The following HERC4 variants were observed in gnomAD, a reference collection of about 807,000 sequenced individuals.
HERC4 encodes HECT and RLD domain containing E3 ubiquitin protein ligase 4, also known as probable E3 ubiquitin-protein ligase HERC4.
A neutral mutation model predicts 124.3 loss-of-function variants in HERC4; 28 were observed. The observed-to-expected ratio is 0.23, with a 90% CI of 0.17 to 0.31. The LOEUF is 0.31. Ranked by LOEUF, HERC4 falls within the 10% of genes least tolerant of loss-of-function variation. The probability of loss-of-function intolerance (pLI) is 1.00; values close to 1 mark genes in which losing one functional copy is unlikely to be tolerated. For missense variants in HERC4, 713 were observed against 1,229.3 expected, an observed-to-expected ratio of 0.58 and a Z score of 6.28; for synonymous variants, 407 against 421.5, an observed-to-expected ratio of 0.97 and a Z score of 0.42.
chr10:68,011,817 C>T (rs1470618513), intron 9 of HERC4, among the ~76,000 whole-genome samples: 21 of 152,194 alleles, frequency 1.4e-4, no homozygotes, highest in Admixed American at 1.4e-3. Context: ...AGAGAGTCAG[C>T]CTGTCCTTTG....
intron 3 of HERC4, chr10:68,067,641 A>C (rs1382079611): frequency 6.6e-6 from 1 of 152,232 alleles, no homozygotes; most frequent in African/African-American, 2.4e-5. Flanking sequence ...CAGAGAGAAC[A>C]GGTCAGAAAA....
intron 9 of HERC4, chr10:68,010,892 T>A: frequency 7.1e-7 from 1 of 1,412,916 alleles, no homozygotes; most frequent in Non-Finnish European, 9.9e-7. Flanking sequence ...ATGAAGGGTA[T>A]TTTTTATCCT....
At chr10:68,046,132 CA>C (rs532386531) in intron 3 of HERC4, among the ~76,000 whole-genome samples, 1,780 of 131,350 alleles carry the variant, frequency 0.014, 12 homozygotes, top group Middle Eastern at 0.041. Flanking sequence ...CACACTGTTC[CA>C]AAAAAAAAAA....
intron 3 of HERC4, among the ~76,000 whole-genome samples, chr10:68,044,906 G>A (rs1411214445): frequency 1.3e-5 from 2 of 151,792 alleles, no homozygotes; most frequent in Non-Finnish European, 1.5e-5. Flanking sequence ...ACTAATAAAA[G>A]AGTCCAGGTG....
intron 23 of HERC4, among the ~76,000 whole-genome samples, chr10:67,927,690 G>C (rs2031288987): frequency 1.3e-5 from 2 of 151,944 alleles, no homozygotes; most frequent in Admixed American, 1.3e-4. Context: ...CTCCCAAAGT[G>C]CTGGGATTAC....
intron 9 of HERC4, among the ~76,000 whole-genome samples, chr10:67,996,418 C>T (rs1478661978): frequency 6.6e-6 from 1 of 152,048 alleles, no homozygotes; most frequent in East Asian, 1.9e-4. Context: ...AATTGTAATT[C>T]TACTTAGAAG....
chr10:67,936,710 C>T (rs1484373399), intron 21 of HERC4, among the ~76,000 whole-genome samples: 3 of 152,172 alleles, frequency 2.0e-5, no homozygotes, highest in Non-Finnish European at 4.4e-5. Flanking sequence ...TAAAGATAGG[C>T]AGTTATTTTG....
chr10:68,030,721 AATC>A (rs1341296384), intron 7 of HERC4, among the ~76,000 whole-genome samples: 3 of 152,204 alleles, frequency 2.0e-5, no homozygotes, highest in Non-Finnish European at 4.4e-5. Flanking sequence ...CACAATTTCA[AATC>A]TTTGGGGTAG....
At chr10:68,015,909 C>T (rs1175739244) in intron 8 of HERC4, among the ~76,000 whole-genome samples, 1 of 152,118 alleles carries the variant, frequency 6.6e-6, no homozygotes, top group African/African-American at 2.4e-5. Flanking sequence ...TCGAGACCAG[C>T]ATGGCAAACA....
At chr10:67,980,759 A>G (rs2035883278) in intron 15 of HERC4, among the ~76,000 whole-genome samples, 1 of 152,210 alleles carries the variant, frequency 6.6e-6, no homozygotes, top group Admixed American at 6.5e-5. Flanking sequence ...AGGAGTACAA[A>G]GTTAAGGTGT....
At chr10:67,948,144 TA>T (rs547679896) in intron 19 of HERC4, among the ~76,000 whole-genome samples, 2 of 135,982 alleles carry the variant, frequency 1.5e-5, no homozygotes, top group Non-Finnish European at 3.2e-5. Context: ...ACACTTAAAC[TA>T]AAAAAAAGGG....
intron 9 of HERC4, among the ~76,000 whole-genome samples, chr10:68,006,375 G>GTTTTTTTTTTTTTTTTTT (rs772576805): frequency 7.5e-6 from 1 of 134,036 alleles, no homozygotes; most frequent in Non-Finnish European, 1.7e-5. Flanking sequence ...TTTTGTTTTT[G>GTTTTTTTTTTTTTTTTTT]TTTTTTTTTT....
At chr10:67,991,602 A>G (rs557800485) in intron 11 of HERC4, among the ~76,000 whole-genome samples, 1 of 152,340 alleles carries the variant, frequency 6.6e-6, no homozygotes, top group East Asian at 1.9e-4. Flanking sequence ...AAAACAAGCT[A>G]GAGAAACAAA....
At chr10:68,023,692 A>G (rs957763535) in intron 8 of HERC4, among the ~76,000 whole-genome samples, 1 of 152,180 alleles carries the variant, frequency 6.6e-6, no homozygotes, top group African/African-American at 2.4e-5. Flanking sequence ...AAAAATAGTT[A>G]AGGTGGTAAA....
chr10:68,051,404 G>A (rs1173005588), intron 3 of HERC4, among the ~76,000 whole-genome samples: 2 of 149,070 alleles, frequency 1.3e-5, no homozygotes, highest in Admixed American at 1.3e-4. Flanking sequence ...GAGTGCAGTG[G>A]CACGATCTTG....
intron 19 of HERC4, among the ~76,000 whole-genome samples, chr10:67,948,834 T>C (rs1487572541): frequency 6.6e-6 from 1 of 152,048 alleles, no homozygotes; most frequent in Admixed American, 6.5e-5. Flanking sequence ...GGCACAAGAA[T>C]GGCTTGAACA....
At chr10:68,043,614 A>G (rs150305648) in intron 4 of HERC4, among the ~76,000 whole-genome samples, 1 of 152,300 alleles carries the variant, frequency 6.6e-6, no homozygotes, top group African/African-American at 2.4e-5. Flanking sequence ...CAGGAGTTCG[A>G]GACCAGCCTG....
chr10:68,049,469 CT>C lies in HERC4; in HGVS notation c.227-4907del, dbSNP rs1339678855. Among the ~76,000 whole-genome samples the C allele has an allele frequency of 2.0e-5, 3 of 150,520 alleles. No individual in the cohort carries two copies. In the East Asian group the frequency reaches 5.9e-4, roughly 30 times the overall value. ...TTAAGGCCAGGAGTTAGAGACCAGC[CT>C]AGGTGGTGGGTGTCTGTAATCTCAC... On this transcript the variant is annotated intron_variant, in intron 3 of 24. Coordinates refer to ENST00000373700, the MANE Select transcript of HERC4 (RefSeq NM_015601.4).
At chr10:67,971,555 G>A (rs2035235915) in intron 15 of HERC4, among the ~76,000 whole-genome samples, 6 of 151,926 alleles carry the variant, frequency 3.9e-5, no homozygotes, top group Admixed American at 3.9e-4. Context: ...CTCAACAGAT[G>A]GAAACAATAT....
Sources: allele counts gnomAD v4.1 joint callset (sites outside exome capture counted in the v4.1 genomes callset), GRCh38; gene constraint gnomAD v4.1.1; transcripts MANE v1.5; gene names NCBI Gene and HGNC (gene_info 2026-07-23, HGNC 2026-07-21).